Variants in MTR observed in about 807,000 individuals in gnomAD.
MTR encodes 5-methyltetrahydrofolate-homocysteine methyltransferase, also known as methionine synthase.
A neutral mutation model predicts 154.8 loss-of-function variants in MTR; 84 were observed. The observed-to-expected ratio is 0.54, with a 90% CI of 0.45 to 0.65. MTR has a LOEUF of 0.65. Among genes scored for constraint, MTR ranks in the 30% least tolerant of loss-of-function variants. The probability of loss-of-function intolerance (pLI) is 0.00; values close to 1 mark genes in which losing one functional copy is unlikely to be tolerated. For synonymous variants in MTR, 554 were observed against 553.9 expected (o/e 1.00, Z 0.00); for missense variants, 1,275 against 1,570.2 (o/e 0.81, Z 3.18).
At chr1:236,826,773 T>C in intron 10 of MTR, 56 bp from the exon 11 acceptor site, 1 of 1,394,714 alleles carries the variant, frequency 7.2e-7, no homozygotes, top group Non-Finnish European at 1.0e-6. Flanking sequence ...GAATTGGTGG[T>C]AATGAGTTTA....
intron 15 of MTR, 144 bp downstream of exon 15, chr1:236,838,743 C>T (rs891796254): frequency 1.4e-5 from 12 of 829,316 alleles, no homozygotes; most frequent in Admixed American, 2.0e-5. Flanking sequence ...TATATGTACA[C>T]GTATCTGTAT....
chr1:236,819,799 G>A (rs867951235), intron 8 of MTR: 1 of 760,782 alleles, frequency 1.3e-6, no homozygotes, highest in South Asian at 1.3e-5. Flanking sequence ...AAGAGGACCT[G>A]GGAGAAGCTA....
rs1666998885 is a variant in MTR, at chr1:236,903,250, C to T, written c.*5606C>T. 1 of 152,248 alleles carries T rather than the reference C, an allele frequency of 6.6e-6. No homozygotes were observed. Among genetic ancestry groups the T allele is most frequent in the East Asian group, 1.9e-4 (1 of 5,198 alleles). 9.4% of individuals were successfully genotyped at this position (152,248 alleles called of 1,614,324 possible). A position where few individuals can be genotyped will look rare whatever the true frequency, so the allele number is the denominator to read the frequency against. On this transcript the variant is annotated 3_prime_UTR_variant, in exon 33 of 33. Coordinates refer to ENST00000366577, the MANE Select transcript of MTR (RefSeq NM_000254.3). ...ATGGTTTGGCTATTTCTCGTTCTTTCTGCACTGTTTCAAATTTTTACAAGT... is the reference window on the plus strand; with the variant it reads ...ATGGTTTGGCTATTTCTCGTTCTTTTTGCACTGTTTCAAATTTTTACAAGT...
chr1:236,802,077 G>A (rs1252468978), intron 1 of MTR, among the ~76,000 whole-genome samples: 1 of 152,180 alleles, frequency 6.6e-6, no homozygotes, highest in African/African-American at 2.4e-5. Context: ...GGGCGAGGAA[G>A]GTGGGACCAT....
At chr1:236,874,618 T>C (rs1378943487) in intron 23 of MTR, 108 bp from the exon 24 acceptor site, 1 of 884,554 alleles carries the variant, frequency 1.1e-6, no homozygotes, top group Non-Finnish European at 1.7e-6. Flanking sequence ...GTTAGGTCTT[T>C]TGGTCTTCAT....
intron 15 of MTR, among the ~76,000 whole-genome samples, chr1:236,844,754 C>T (rs1663474210): frequency 6.6e-6 from 1 of 152,040 alleles, no homozygotes; most frequent in Non-Finnish European, 1.5e-5. Context: ...TGGCGGGAGT[C>T]TATAATTGCT....
At chr1:236,850,162 G>C (rs1400583495) in intron 15 of MTR, among the ~76,000 whole-genome samples, 182 bp from the exon 16 acceptor site, 2 of 152,052 alleles carry the variant, frequency 1.3e-5, no homozygotes, top group Non-Finnish European at 2.9e-5. Context: ...TTGGCATTTA[G>C]ATTTCTGTGA....
rs1020256570 is a variant in MTR, at chr1:236,852,385, A to G, written c.1696-136A>G. On this transcript the variant is annotated intron_variant, in intron 16 of 32. Transcript: ENST00000366577. ...CAAGCTTTGGTCTATGTCTAGTAAC[A>G]AGAAGCTCTGAATTACTTTGAACTT... 13 of 726,416 alleles carry G rather than the reference A, an allele frequency of 1.8e-5. No homozygotes were observed. The African/African-American group carries it at 2.3e-4, about 13-fold the overall frequency. 45.0% of individuals were successfully genotyped at this position (726,416 alleles called of 1,614,324 possible).
chr1:236,862,043 G>A (rs575618171), intron 20 of MTR, among the ~76,000 whole-genome samples, 193 bp from the exon 21 acceptor site: 1 of 152,290 alleles, frequency 6.6e-6, no homozygotes, highest in East Asian at 1.9e-4. Context: ...TTTTCCTTCT[G>A]CTGTACCTTA....
chr1:236,896,456 C>T (rs1475033109), intron 31 of MTR, among the ~76,000 whole-genome samples: 1 of 152,240 alleles, frequency 6.6e-6, no homozygotes, highest in Non-Finnish European at 1.5e-5. Flanking sequence ...GCAAAGCACT[C>T]ACCCTTCATG....
chr1:236,831,708 G>A (rs555430847), intron 12 of MTR, among the ~76,000 whole-genome samples: 15 of 152,000 alleles, frequency 9.9e-5, no homozygotes, highest in Non-Finnish European at 1.8e-4. Flanking sequence ...GGTCCTTTAG[G>A]TTATTTGCAA....
intron 1 of MTR, among the ~76,000 whole-genome samples, chr1:236,797,462 G>A (rs1195747611): frequency 2.0e-5 from 3 of 152,078 alleles, no homozygotes; most frequent in African/African-American, 7.2e-5. Flanking sequence ...CCTTGCTTAG[G>A]ACTGTGAGTG....
intron 12 of MTR, 117 bp downstream of exon 12, chr1:236,829,385 A>T: frequency 1.1e-6 from 1 of 883,872 alleles, no homozygotes; most frequent in Non-Finnish European, 1.9e-6. Context: ...AGAAGAATCC[A>T]TATATTCTTG....
rs150770792 is a variant in MTR at position 236,819,502 on chromosome 1, T to C, written c.764+2959T>C. 2.5e-5 allele frequency: 8 copies of C among 315,942 alleles called. No homozygotes were observed. The East Asian group carries it at 5.9e-4, about 23-fold the overall frequency. The allele number at this position is 315,942 out of a possible 1,614,324, so 19.6% of individuals were successfully genotyped here. On this transcript the variant is annotated intron_variant, in intron 8 of 32. Transcript: ENST00000366577. ...GGTGGGTTTTTTTCCCATTCATGTA[T>C]TGAAGACCATCTTGGTTGCTTCGAA...
intron 18 of MTR, among the ~76,000 whole-genome samples, chr1:236,854,920 T>G (rs1664117191): frequency 6.6e-6 from 1 of 152,186 alleles, no homozygotes; most frequent in Non-Finnish European, 1.5e-5. Context: ...GTTTAACAAT[T>G]CATCATAGAA....
chr1:236,811,952 C>G (rs562799471), intron 5 of MTR, among the ~76,000 whole-genome samples: 4 of 152,332 alleles, frequency 2.6e-5, no homozygotes, highest in African/African-American at 9.6e-5. Flanking sequence ...ATTATCTTGG[C>G]TTACTGCAGC....
Position 236,829,210 on chromosome 1 carries a change from A to G in MTR, c.1017A>G (p.Lys339=). ...TCAGGGAAATTGCTGAAGCTGTGAA[A>G]AATTGTAAGCCTAGAGTTCCACCTG... ...DHIREIAEAV[K]NCKPRVPPAT... Residue 339 remains lysine (K), a synonymous_variant, in exon 12 of 33, where the codon AAA becomes AAG. Transcript: ENST00000366577. 6.2e-7 allele frequency: 1 copy of G among 1,614,036 alleles called. No individual in the cohort carries two copies. The highest frequency in any genetic ancestry group is 1.1e-5 in the South Asian group (1 of 91,074).
In MTR at chr1:236,829,225, A is replaced by AT. The variant is rs1558292473; in HGVS notation, c.1032_1033insT (p.Val345CysfsTer8). 4 of 1,614,080 alleles carry AT rather than the reference A, an allele frequency of 2.5e-6. No individual in the cohort carries two copies. Among genetic ancestry groups the AT allele is most frequent in the Non-Finnish European group, 3.4e-6 (4 of 1,179,966 alleles). On this transcript the variant is annotated frameshift_variant, in exon 12 of 33. Transcript: ENST00000366577. LOFTEE classifies it high-confidence loss of function. ...AAGCTGTGAAAAATTGTAAGCCTAG[A>AT]GTTCCACCTGCCACTGCTTTTGAAG...
At chr1:236,856,214 C>A (rs565951454) in intron 18 of MTR, among the ~76,000 whole-genome samples, 2 of 152,082 alleles carry the variant, frequency 1.3e-5, no homozygotes, top group African/African-American at 4.8e-5. Flanking sequence ...TGGAACACAC[C>A]GCCCTGTTTT....
Sources: allele counts gnomAD v4.1 joint callset (sites outside exome capture counted in the v4.1 genomes callset), GRCh38; gene constraint gnomAD v4.1.1; transcripts MANE v1.5; gene names NCBI Gene and HGNC (gene_info 2026-07-23, HGNC 2026-07-21).